The following SLC1A7 variants were observed in gnomAD, a reference collection of about 807,000 sequenced individuals.
SLC1A7 encodes the protein solute carrier family 1 member 7, also known as excitatory amino acid transporter 5.
A neutral mutation model predicts 47.7 loss-of-function variants in SLC1A7; 40 were observed. The observed-to-expected ratio is 0.84, with a 90% confidence interval of 0.65 to 1.09. The LOEUF (loss-of-function observed/expected upper bound fraction) is 1.09. Among genes scored for constraint, SLC1A7 ranks in the 50% least tolerant of loss-of-function variants. The probability of loss-of-function intolerance (pLI) is 0.00; values close to 1 mark genes in which losing one functional copy is unlikely to be tolerated. For synonymous variants in SLC1A7, 323 were observed against 325.6 expected (o/e 0.99, Z 0.09); for missense variants, 746 against 769.5 (o/e 0.97, Z 0.36).
chr1:53,101,296 TACACTCGCACACCCCACCTC>T (rs1302134167), intron 5 of SLC1A7, among the ~76,000 whole-genome samples: 4 of 138,090 alleles, frequency 2.9e-5, no homozygotes, highest in African/African-American at 1.1e-4. Context: ...CCCACCTCGG[TACACTCGCACACCCCACCTC>T]GGTACACTCA....
intron 2 of SLC1A7, among the ~76,000 whole-genome samples, chr1:53,119,257 G>C (rs1382219210): frequency 6.6e-6 from 1 of 152,176 alleles, no homozygotes; most frequent in East Asian, 1.9e-4. Flanking sequence ...TCAGAACCTT[G>C]TGGGGTTCCC....
intron 5 of SLC1A7, among the ~76,000 whole-genome samples, chr1:53,099,298 G>A (rs61770789): frequency 0.41 from 9,189 of 22,494 alleles, 1,290 homozygotes; most frequent in Middle Eastern, 0.48. Context: ...CACATACCCC[G>A]CCTTGATAGA....
intron 2 of SLC1A7, among the ~76,000 whole-genome samples, chr1:53,121,456 G>A (rs1016766401): frequency 6.6e-6 from 1 of 152,260 alleles, no homozygotes; most frequent in Non-Finnish European, 1.5e-5. Context: ...GGGACAAGGA[G>A]CTGAATGTCC....
intron 2 of SLC1A7, among the ~76,000 whole-genome samples, chr1:53,129,885 T>C (rs1267061825): frequency 2.0e-5 from 3 of 150,638 alleles, no homozygotes; most frequent in Non-Finnish European, 4.4e-5. Context: ...CCTCCTGGGA[T>C]CTCAGAAAAA....
In SLC1A7 at chr1:53,088,104, G is replaced by A. The variant is rs1475064266; in HGVS notation, c.1588C>T (p.His530Tyr). 1.2e-6 allele frequency: 2 copies of A among 1,612,276 alleles called. No homozygotes were observed. The highest frequency in any genetic ancestry group is 3.3e-5 in the Admixed American group (2 of 59,922). ...ELTLGPTCPH[H>Y]VPVQVEQDEE... is the part of the protein sequence containing the mutation. ...TCCTGCTCCACTTGAACGGGGACGTGGTGGGGGCAGGTGGGGCCCAGGGTG... is the reference window on the plus strand; with the variant it reads ...TCCTGCTCCACTTGAACGGGGACGTAGTGGGGGCAGGTGGGGCCCAGGGTG... Residue 530 changes from histidine to tyrosine, a missense_variant, in exon 11 of 11, where the codon CAC becomes TAC. Physicochemically the swap from His to Tyr is moderately conservative, Grantham distance 83 (BLOSUM62 2). Transcript: ENST00000371494.
At chr1:53,098,111 C>T (rs35213028) in intron 5 of SLC1A7, among the ~76,000 whole-genome samples, 19,961 of 150,972 alleles carry the variant, frequency 0.13, 1,472 homozygotes, top group Middle Eastern at 0.17. Flanking sequence ...CACTTTGCCT[C>T]GGTACACTCA....
intron 2 of SLC1A7, among the ~76,000 whole-genome samples, chr1:53,129,520 G>GGC (rs1553164861): frequency 0.021 from 2,172 of 103,242 alleles, 11 homozygotes; most frequent in Middle Eastern, 0.036. Context: ...AAGCACACAT[G>GGC]TCTGAGGAGG....
At chr1:53,134,770 A>T (rs1464200236) in intron 1 of SLC1A7, among the ~76,000 whole-genome samples, 1 of 152,160 alleles carries the variant, frequency 6.6e-6, no homozygotes. Context: ...GATGCCTGAA[A>T]CCACAGAGAC....
intron 5 of SLC1A7, among the ~76,000 whole-genome samples, chr1:53,100,143 C>T (rs1644555242): frequency 6.7e-6 from 1 of 149,764 alleles, no homozygotes; most frequent in Non-Finnish European, 1.5e-5. Flanking sequence ...AGAACACTCA[C>T]ACATCCACAT....
chr1:53,103,704 C>T, intron 4 of SLC1A7, 136 bp from the exon 5 acceptor site: 2 of 568,320 alleles, frequency 3.5e-6, no homozygotes, highest in South Asian at 2.5e-5. Flanking sequence ...CCCTGTGAGG[C>T]AGGCAGAGCA....
At chr1:53,108,679 A>G (rs1644671399) in intron 3 of SLC1A7, 1 of 717,298 alleles carries the variant, frequency 1.4e-6, no homozygotes, top group Non-Finnish European at 2.6e-6. Flanking sequence ...ACCTTCATGG[A>G]CCATGAGACT....
intron 3 of SLC1A7, among the ~76,000 whole-genome samples, chr1:53,113,196 C>T (rs375179725): frequency 1.3e-4 from 20 of 152,222 alleles, no homozygotes; most frequent in African/African-American, 4.3e-4. Context: ...GTTCCCTGAG[C>T]GGGCTTAGTG....
chr1:53,107,709 T>C (rs980792530), intron 3 of SLC1A7, among the ~76,000 whole-genome samples: 1 of 152,204 alleles, frequency 6.6e-6, no homozygotes, highest in African/African-American at 2.4e-5. Context: ...CTACCTTCAC[T>C]ATCTCCTCTC....
chr1:53,090,995 G>A (rs1419762557), intron 7 of SLC1A7, 189 bp from the exon 8 acceptor site: 2 of 1,464,456 alleles, frequency 1.4e-6, no homozygotes, highest in Non-Finnish European at 9.1e-7. Flanking sequence ...TATGAGGGAG[G>A]TGTTTGGGTG....
intron 2 of SLC1A7, among the ~76,000 whole-genome samples, chr1:53,117,065 A>T (rs910958814): frequency 2.0e-5 from 3 of 152,206 alleles, no homozygotes; most frequent in African/African-American, 7.2e-5. Flanking sequence ...AGAAGGGGGA[A>T]TCACTTCGAG....
At chr1:53,120,911 G>A (rs969392672) in intron 2 of SLC1A7, among the ~76,000 whole-genome samples, 3 of 152,266 alleles carry the variant, frequency 2.0e-5, no homozygotes, top group Admixed American at 6.5e-5. Context: ...AGGCGAGGAA[G>A]CTCCCGTAAG....
Position 53,089,932 on chromosome 1 carries a change from A to C in SLC1A7, c.1229T>G (p.Ile410Ser). The C allele has an allele frequency of 1.2e-6, 2 of 1,613,044 alleles. No individual in the cohort carries two copies. Among genetic ancestry groups the C allele is most frequent in the Non-Finnish European group, 1.7e-6 (2 of 1,179,690 alleles). ...LDFGQIITIS[I>S]TATAASIGAA... is the part of the protein sequence containing the mutation. ...CCCAATGCTGGCTGCAGTGGCTGTG[A>C]TACTGCAGGGGGTGGGAAGGGGAAG... The change falls in exon 9 of 11, where the codon ATC becomes AGC. Residue 410 changes from isoleucine to serine, a missense_variant and splice_region_variant. By Grantham distance (142) the Ile-to-Ser change is moderately radical. Coordinates refer to ENST00000371494, the MANE Select transcript of SLC1A7 (RefSeq NM_006671.6).
Position 53,114,776 on chromosome 1 carries a change from G to A in SLC1A7, c.413C>T (p.Ala138Val), listed in dbSNP as rs754936929. 1.2e-6 allele frequency: 2 copies of A among 1,614,006 alleles called. No homozygotes were observed. Residue 138 changes from alanine to valine, a missense_variant, in exon 3 of 11, where the codon GCC (alanine) becomes GTC (valine). Transcript: ENST00000371494. ...TAGTTACCGGATGAGGTCCAACAGG[G>A]CATCGGCTGAGCTCATGATGGGCTT... ...SGKPIMSSAD[A>V]LLDLIRNMFP...
intron 2 of SLC1A7, among the ~76,000 whole-genome samples, chr1:53,122,955 G>A (rs947256228): frequency 6.6e-6 from 1 of 151,920 alleles, no homozygotes; most frequent in Non-Finnish European, 1.5e-5. Flanking sequence ...GAGTGTGGGC[G>A]GTGGGTGCTG....
Sources: allele counts gnomAD v4.1 joint callset (sites outside exome capture counted in the v4.1 genomes callset), GRCh38; gene constraint gnomAD v4.1.1; transcripts MANE v1.5; gene names NCBI Gene and HGNC (gene_info 2026-07-23, HGNC 2026-07-21).